The following ASTN2 variants were observed in gnomAD, a reference collection of about 807,000 sequenced individuals.
The protein encoded by ASTN2 is astrotactin 2, also known as astrotactin-2.
ASTN2 carries 54 observed loss-of-function variants against 139.8 expected under a neutral mutation model. The observed-to-expected ratio is 0.39, with a 90% CI of 0.31 to 0.48. ASTN2 has a LOEUF of 0.48. Among genes scored for constraint, ASTN2 ranks in the 20% least tolerant of loss-of-function variants. ASTN2 has a pLI of 0.95. For missense variants in ASTN2, 1,565 were observed against 1,725.1 expected, an observed-to-expected ratio of 0.91 and a Z score of 1.64; for synonymous variants, 756 against 719.5, an observed-to-expected ratio of 1.05 and a Z score of -0.81.
At chr9:116,571,614 A>G (rs1404629486) in intron 19 of ASTN2, among the ~76,000 whole-genome samples, 1 of 152,078 alleles carries the variant, frequency 6.6e-6, no homozygotes, top group East Asian at 1.9e-4. Flanking sequence ...CACGGTATGT[A>G]TATCTTTACA....
At chr9:116,742,830 C>T (rs926634646) in intron 13 of ASTN2, among the ~76,000 whole-genome samples, 2 of 152,132 alleles carry the variant, frequency 1.3e-5, no homozygotes, top group East Asian at 3.8e-4. Context: ...CCTTCGCTCC[C>T]ATGGTGGCAG....
At chr9:117,108,692 C>T (rs1471625406) in intron 4 of ASTN2, among the ~76,000 whole-genome samples, 2 of 152,192 alleles carry the variant, frequency 1.3e-5, no homozygotes, top group Non-Finnish European at 2.9e-5. Flanking sequence ...AGACACTTAA[C>T]TTCCCAGCAA....
chr9:116,714,036 TTAAC>T (rs147797247), intron 16 of ASTN2, among the ~76,000 whole-genome samples: 364 of 152,312 alleles, frequency 2.4e-3, no homozygotes, highest in African/African-American at 8.5e-3. Flanking sequence ...GATCATGTGA[TTAAC>T]TAACTCATAA....
intron 16 of ASTN2, among the ~76,000 whole-genome samples, chr9:116,665,656 G>T (rs193094393): frequency 2.0e-5 from 3 of 152,094 alleles, no homozygotes; most frequent in Non-Finnish European, 4.4e-5. Flanking sequence ...GGGATGTTTT[G>T]TTGTAACAAA....
intron 5 of ASTN2, among the ~76,000 whole-genome samples, chr9:117,049,899 G>A (rs1375742046): frequency 1.3e-5 from 2 of 152,166 alleles, no homozygotes; most frequent in East Asian, 3.9e-4. Flanking sequence ...AAATTGCAGT[G>A]TGTAGATGAG....
At chr9:117,195,628 C>T (rs1418256981) in intron 3 of ASTN2, among the ~76,000 whole-genome samples, 1 of 152,042 alleles carries the variant, frequency 6.6e-6, no homozygotes, top group African/African-American at 2.4e-5. Context: ...AGGCTAGAGC[C>T]TCATTGTGAA....
At chr9:117,396,407 G>A (rs568682529) in intron 1 of ASTN2, among the ~76,000 whole-genome samples, 20 of 152,204 alleles carry the variant, frequency 1.3e-4, no homozygotes, top group Admixed American at 3.3e-4. Context: ...TTTGCCACCC[G>A]TTAAGTTGTA....
intron 4 of ASTN2, among the ~76,000 whole-genome samples, chr9:117,136,699 A>G (rs1361496697): frequency 6.6e-6 from 1 of 152,176 alleles, no homozygotes; most frequent in African/African-American, 2.4e-5. Flanking sequence ...ACCTCAACCA[A>G]GCTAGAGGCA....
intron 2 of ASTN2, among the ~76,000 whole-genome samples, chr9:117,233,686 A>T (rs1335407): frequency 0.17 from 25,755 of 151,342 alleles, 3,764 homozygotes; most frequent in African/African-American, 0.39. Context: ...TTTTTTTTTA[A>T]AAAAAAGAAT....
intron 4 of ASTN2, among the ~76,000 whole-genome samples, chr9:117,127,232 G>A (rs922222367): frequency 5.3e-5 from 8 of 152,166 alleles, no homozygotes; most frequent in Admixed American, 6.5e-5. Flanking sequence ...CTGCCTGAAC[G>A]CAAGATGATT....
intron 2 of ASTN2, among the ~76,000 whole-genome samples, chr9:117,271,087 T>G (rs1158479858): frequency 2.0e-5 from 3 of 152,108 alleles, no homozygotes. Flanking sequence ...ATCCTGGACT[T>G]GTATCAGTCC....
intron 16 of ASTN2, among the ~76,000 whole-genome samples, chr9:116,706,659 C>T (rs1564224055): frequency 6.6e-6 from 1 of 151,768 alleles, no homozygotes; most frequent in Non-Finnish European, 1.5e-5. Flanking sequence ...TGTGGGATGA[C>T]TAAACACTTT....
chr9:117,193,991 A>T (rs775438050), intron 3 of ASTN2, among the ~76,000 whole-genome samples: 3 of 152,126 alleles, frequency 2.0e-5, no homozygotes, highest in Non-Finnish European at 4.4e-5. Flanking sequence ...TCCTTTCCCC[A>T]GGGAAGATAG....
intron 13 of ASTN2, among the ~76,000 whole-genome samples, chr9:116,786,957 C>T (rs1830394879): frequency 6.6e-6 from 1 of 152,106 alleles, no homozygotes; most frequent in African/African-American, 2.4e-5. Flanking sequence ...AAGGGGCTTC[C>T]CCTTTCACTG....
At chr9:116,936,248 C>T (rs374808584) in intron 10 of ASTN2, among the ~76,000 whole-genome samples, 1 of 143,224 alleles carries the variant, frequency 7.0e-6, no homozygotes, top group Non-Finnish European at 1.5e-5. Flanking sequence ...ACCACCACCA[C>T]CATCACCACC....
At chr9:117,253,656 A>G (rs1833601452) in intron 2 of ASTN2, among the ~76,000 whole-genome samples, 1 of 152,182 alleles carries the variant, frequency 6.6e-6, no homozygotes, top group Non-Finnish European at 1.5e-5. Flanking sequence ...TCCATTTAAG[A>G]ACAAGGAAAT....
chr9:116,789,482 A>G (rs566460102), intron 13 of ASTN2, among the ~76,000 whole-genome samples: 2 of 152,334 alleles, frequency 1.3e-5, no homozygotes, highest in Admixed American at 6.5e-5. Flanking sequence ...GTGTTCCACT[A>G]GATTATCATT....
intron 1 of ASTN2, among the ~76,000 whole-genome samples, chr9:117,379,752 A>G (rs1344912200): frequency 6.6e-6 from 1 of 152,206 alleles, no homozygotes; most frequent in Non-Finnish European, 1.5e-5. Flanking sequence ...AAAAGAAGAT[A>G]AAATAAGAAG....
At chr9:117,243,030 T>A (rs898134960) in intron 2 of ASTN2, among the ~76,000 whole-genome samples, 2 of 152,192 alleles carry the variant, frequency 1.3e-5, no homozygotes, top group African/African-American at 2.4e-5. Context: ...TTATTAAGAG[T>A]CTTCCATTTT....
Sources: allele counts gnomAD v4.1 joint callset (sites outside exome capture counted in the v4.1 genomes callset), GRCh38; gene constraint gnomAD v4.1.1; transcripts MANE v1.5; gene names NCBI Gene and HGNC (gene_info 2026-07-23, HGNC 2026-07-21).